Variants in CCDC171 observed in about 807,000 individuals in gnomAD.
CCDC171 encodes the protein coiled-coil domain containing 171, also known as coiled-coil domain-containing protein 171.
In CCDC171, 177 loss-of-function variants were observed where a neutral mutation model predicts 168.2. That is an observed-to-expected ratio of 1.05 (90% CI 0.93 to 1.19). The LOEUF (loss-of-function observed/expected upper bound fraction) is 1.19. Among genes scored for constraint, CCDC171 ranks in the 50% most tolerant of loss-of-function variants. The pLI, the probability that CCDC171 is intolerant of heterozygous loss-of-function variation, is 0.00. For missense variants in CCDC171, 1,991 were observed against 1,539.0 expected (o/e 1.29, Z -4.91); for synonymous variants, 687 against 540.8 (o/e 1.27, Z -3.75).
chr9:15,977,325 C>T (rs1374290399), downstream of CCDC171, among the ~76,000 whole-genome samples: 1 of 152,076 alleles, frequency 6.6e-6, no homozygotes, highest in African/African-American at 2.4e-5. Flanking sequence ...TTTCCATGGA[C>T]GTTGCGATGG....
chr9:15,646,273 A>T (rs904802132), intron 7 of CCDC171, among the ~76,000 whole-genome samples: 1 of 152,194 alleles, frequency 6.6e-6, no homozygotes, highest in Non-Finnish European at 1.5e-5. Context: ...GGAAAAACTG[A>T]TACGAGCCCC....
chr9:15,614,567 G>A (rs555788729), intron 6 of CCDC171, among the ~76,000 whole-genome samples: 6 of 152,284 alleles, frequency 3.9e-5, no homozygotes, highest in Admixed American at 1.3e-4. Context: ...TTTTACGAAG[G>A]AAAGGATTTT....
At chr9:15,569,388 G>A (rs1485885665) in intron 2 of CCDC171, among the ~76,000 whole-genome samples, 2 of 152,132 alleles carry the variant, frequency 1.3e-5, no homozygotes, top group Admixed American at 1.3e-4. Flanking sequence ...GAATAAATAA[G>A]TTTATATATG....
At chr9:15,827,734 G>C (rs945730339) in intron 21 of CCDC171, among the ~76,000 whole-genome samples, 2 of 152,100 alleles carry the variant, frequency 1.3e-5, no homozygotes, top group African/African-American at 4.8e-5. Context: ...GGGTGCCCTA[G>C]ATTATGTTTC....
intron 16 of CCDC171, among the ~76,000 whole-genome samples, chr9:15,742,793 A>T (rs2054970390): frequency 6.6e-6 from 1 of 152,044 alleles, no homozygotes; most frequent in Admixed American, 6.6e-5. Flanking sequence ...TTTAGTAACT[A>T]ATCAATACTT....
At chr9:16,086,653 A>T in the CCDC171 span, among the ~76,000 whole-genome samples, 2 of 151,988 alleles carry the variant, frequency 1.3e-5, no homozygotes, top group Non-Finnish European at 2.9e-5. Context: ...TTAATATTTT[A>T]AGAAAAAACA....
intron 24 of CCDC171, among the ~76,000 whole-genome samples, chr9:15,902,800 G>T (rs774503229): frequency 6.6e-6 from 1 of 152,290 alleles, no homozygotes; most frequent in East Asian, 1.9e-4. Flanking sequence ...AAGGGGTGAC[G>T]GACGGCACCT....
At chr9:16,046,387 A>G (rs916908205) in intron 1 of CCDC171, among the ~76,000 whole-genome samples, 6 of 152,200 alleles carry the variant, frequency 3.9e-5, no homozygotes, top group African/African-American at 1.4e-4. Context: ...TGTTCCACCC[A>G]GAGCACCTGC....
At chr9:15,927,193 T>C (rs1825989093) in intron 25 of CCDC171, among the ~76,000 whole-genome samples, 1 of 151,680 alleles carries the variant, frequency 6.6e-6, no homozygotes, top group Non-Finnish European at 1.5e-5. Flanking sequence ...CATGTAAGAT[T>C]TCTCATCAGT....
Position 15,972,071 on chromosome 9 carries a change from T to C in CCDC171, c.*235T>C, listed in dbSNP as rs879261687. 8.1e-6 allele frequency: 4 copies of C among 493,734 alleles called. No homozygotes were observed. Among genetic ancestry groups the C allele is most frequent in the African/African-American group, 2.0e-5 (1 of 51,194 alleles). The allele number at this position is 493,734 out of a possible 1,614,324, so 30.6% of individuals were successfully genotyped here. ...GTTGCTCATTTTTATGTAACATATT[T>C]TTAAATGTTAAGGAATGACACATTT... On this transcript the variant is annotated 3_prime_UTR_variant, in exon 26 of 26. Coordinates refer to ENST00000380701, the MANE Select transcript of CCDC171 (RefSeq NM_173550.4).
In CCDC171 at chr9:16,030,544, T is replaced by C. The variant is rs143772864; in HGVS notation, n.999-4913T>C. 1.7e-3 allele frequency among the ~76,000 whole-genome samples: 254 copies of C among 152,322 alleles called. 2 individuals are homozygous for C. The highest frequency in any genetic ancestry group is 1.9e-3 in the Non-Finnish European group (132 of 68,030). On this transcript the variant is annotated intron_variant and non_coding_transcript_variant, in intron 6 of 9. Transcript: ENST00000486641. ...TTAAAGTGGGTTTAGATTGAGAATA[T>C]GAACATTTGATATGCAAAAGTAGCA...
At chr9:15,832,979 ATCTT>A (rs2060295883) in intron 21 of CCDC171, among the ~76,000 whole-genome samples, 1 of 121,508 alleles carries the variant, frequency 8.2e-6, no homozygotes, top group African/African-American at 3.0e-5. Flanking sequence ...CTTCATTATA[ATCTT>A]TTTTTTTTTT....
At chr9:16,005,906 T>G (rs1474218509) in intron 3 of CCDC171, among the ~76,000 whole-genome samples, 2 of 152,096 alleles carry the variant, frequency 1.3e-5, no homozygotes, top group Non-Finnish European at 2.9e-5. Flanking sequence ...CTAGATTGTT[T>G]TCTTTTTTTA....
At chr9:15,646,081 G>A (rs2047011742) in intron 7 of CCDC171, among the ~76,000 whole-genome samples, 1 of 152,130 alleles carries the variant, frequency 6.6e-6, no homozygotes, top group Admixed American at 6.5e-5. Flanking sequence ...GAAGAGAGTG[G>A]GGGCCAATAT....
intron 18 of CCDC171, among the ~76,000 whole-genome samples, chr9:15,769,515 G>A (rs528658675): frequency 3.9e-5 from 6 of 152,174 alleles, no homozygotes; most frequent in Admixed American, 6.5e-5. Context: ...GAATGGTAAC[G>A]ATAGACCATG....
intron 25 of CCDC171, among the ~76,000 whole-genome samples, chr9:15,964,467 A>T (rs1830614227): frequency 6.6e-6 from 1 of 152,080 alleles, no homozygotes; most frequent in African/African-American, 2.4e-5. Context: ...GTATGTTTCT[A>T]AGACAGAGGG....
intron 24 of CCDC171, among the ~76,000 whole-genome samples, chr9:15,899,200 G>A (rs747324563): frequency 1.1e-4 from 16 of 151,798 alleles, no homozygotes; most frequent in Non-Finnish European, 2.1e-4. Flanking sequence ...ACTTGTTTTC[G>A]TGGTATGGAT....
chr9:15,858,039 G>A (rs6474978), intron 23 of CCDC171, among the ~76,000 whole-genome samples: 130,380 of 151,718 alleles, frequency 0.86, 56,130 homozygotes, highest in East Asian at 0.99. Context: ...TATTTTTGAG[G>A]GGGAGTCTTA....
intron 21 of CCDC171, among the ~76,000 whole-genome samples, chr9:15,790,061 C>T (rs981441812): frequency 8.5e-5 from 13 of 152,102 alleles, no homozygotes; most frequent in Non-Finnish European, 1.9e-4. Context: ...CAATAACATA[C>T]GTGTGCATGT....
Sources: allele counts gnomAD v4.1 joint callset (sites outside exome capture counted in the v4.1 genomes callset), GRCh38; gene constraint gnomAD v4.1.1; transcripts MANE v1.5; gene names NCBI Gene and HGNC (gene_info 2026-07-23, HGNC 2026-07-21).